Variants in PRIM2 observed in about 807,000 individuals in gnomAD.
PRIM2 encodes the protein DNA primase subunit 2.
In PRIM2, 39 loss-of-function variants were observed where a neutral mutation model predicts 67.3. That is an observed-to-expected ratio of 0.58 (90% CI 0.45 to 0.76). The LOEUF (loss-of-function observed/expected upper bound fraction) is 0.76, where lower values mean the gene tolerates loss of function less well. Among genes scored for constraint, PRIM2 ranks in the 30% least tolerant of loss-of-function variants. The pLI, the probability that PRIM2 is intolerant of heterozygous loss-of-function variation, is 0.00. For synonymous variants in PRIM2, 143 were observed against 198.7 expected, an observed-to-expected ratio of 0.72 and a Z score of 2.36; for missense variants, 398 against 598.7, an observed-to-expected ratio of 0.66 and a Z score of 3.50.
intron 10 of PRIM2, among the ~76,000 whole-genome samples, chr6:57,599,758 G>C (rs1292184084): frequency 2.0e-5 from 3 of 152,218 alleles, no homozygotes; most frequent in African/African-American, 7.2e-5. Flanking sequence ...CATTAGGAAG[G>C]CTATCAACCC....
At chr6:57,369,121 T>C (rs1434782306) in intron 5 of PRIM2, among the ~76,000 whole-genome samples, 1 of 152,196 alleles carries the variant, frequency 6.6e-6, no homozygotes, top group African/African-American at 2.4e-5. Context: ...TCTCCCTCAG[T>C]GAGGGACTCA....
chr6:57,382,097 T>C lies in PRIM2; in HGVS notation c.622T>C (p.Tyr208His). 6.2e-7 allele frequency: 1 copy of C among 1,613,316 alleles called. No homozygotes were observed. The highest frequency in any genetic ancestry group is 8.5e-7 in the Non-Finnish European group (1 of 1,179,524). ...AGTCTATTTGGAAGATGGCTTTGCT[T>C]ACGTACCACTTAAGGACATTGTGGC... Reference protein sequence around the residue: ...RKVYLEDGFAYVPLKDIVAII... With the variant: ...RKVYLEDGFAHVPLKDIVAII... The change falls in exon 7 of 14, where the codon TAC (tyrosine) becomes CAC (histidine). Residue 208 changes from tyrosine to histidine, a missense_variant. This residue lies in a region of PRIM2 where 229 missense variants were observed against 383.6 expected (regional missense o/e 0.60). Transcript: ENST00000615550.
intron 4 of PRIM2, 22 bp from the exon 5 acceptor site, chr6:57,325,903 A>C: frequency 6.4e-7 from 1 of 1,563,022 alleles, no homozygotes; most frequent in Non-Finnish European, 8.7e-7. Flanking sequence ...GTTTGTACTC[A>C]TAATTTCTGT....
intron 7 of PRIM2, among the ~76,000 whole-genome samples, chr6:57,495,875 C>A (rs1554346342): frequency 6.6e-6 from 1 of 152,124 alleles, no homozygotes; most frequent in Non-Finnish European, 1.5e-5. Context: ...TCTCAAGTAG[C>A]TGGGATTACA....
chr6:57,416,051 T>G (rs1424790535), intron 7 of PRIM2, among the ~76,000 whole-genome samples: 1 of 152,208 alleles, frequency 6.6e-6, no homozygotes, highest in Non-Finnish European at 1.5e-5. Flanking sequence ...GGCATCTAGA[T>G]TGGTGAATCG....
chr6:57,223,531 A>T, the PRIM2 span, among the ~76,000 whole-genome samples: 1 of 152,246 alleles, frequency 6.6e-6, no homozygotes, highest in Non-Finnish European at 1.5e-5. Flanking sequence ...AGTATTTGTA[A>T]GAAATTTAAT....
At chr6:57,478,095 A>G (rs1481399512) in intron 7 of PRIM2, among the ~76,000 whole-genome samples, 3 of 152,212 alleles carry the variant, frequency 2.0e-5, no homozygotes, top group African/African-American at 7.2e-5. Flanking sequence ...TTACAAATGA[A>G]GAAACTAAGG....
At chr6:57,548,262 G>C (rs1420938446) in intron 10 of PRIM2, among the ~76,000 whole-genome samples, 2 of 152,198 alleles carry the variant, frequency 1.3e-5, no homozygotes, top group Admixed American at 1.3e-4. Flanking sequence ...GCCAAAGTTA[G>C]AGCAGGAGTG....
At chr6:57,269,836 A>G in the PRIM2 span, among the ~76,000 whole-genome samples, 23,277 of 151,670 alleles carry the variant, frequency 0.15, 2,106 homozygotes, top group African/African-American at 0.24. Flanking sequence ...TCCAGTTTCA[A>G]CTTTCTACAT....
chr6:57,279,658 C>G, the PRIM2 span, among the ~76,000 whole-genome samples: 1 of 152,102 alleles, frequency 6.6e-6, no homozygotes, highest in African/African-American at 2.4e-5. Flanking sequence ...TGAAATTAGT[C>G]TCATTAAAAA....
chr6:57,324,208 T>C lies in PRIM2; in HGVS notation c.266T>C (p.Leu89Ser). The C allele has an allele frequency of 6.3e-7, 1 of 1,586,336 alleles. No individual in the cohort carries two copies. The highest frequency in any genetic ancestry group is 8.6e-7 in the Non-Finnish European group (1 of 1,158,266). ...RKLKFSYREN[L>S]EDEYEPRRRD... Reference sequence around the variant, plus strand: ...TGTGTCATTATTTTTAAGGAAAACTTAGAAGATGAATATGAACCACGAAGA... The same window carrying C: ...TGTGTCATTATTTTTAAGGAAAACTCAGAAGATGAATATGAACCACGAAGA... Residue 89 changes from leucine to serine, a missense_variant, in exon 4 of 14, where the codon TTA becomes TCA. Physicochemically the swap from Leu to Ser is moderately radical, Grantham distance 145. Coordinates refer to ENST00000615550, the MANE Select transcript of PRIM2 (RefSeq NM_000947.5).
intron 7 of PRIM2, among the ~76,000 whole-genome samples, chr6:57,432,225 G>T (rs1453759461): frequency 6.6e-6 from 1 of 152,086 alleles, no homozygotes; most frequent in Non-Finnish European, 1.5e-5. Flanking sequence ...CATTTTTGGG[G>T]GGGGTTGGGT....
intron 7 of PRIM2, among the ~76,000 whole-genome samples, chr6:57,432,221 T>TGG (rs561001849): frequency 6.6e-6 from 1 of 152,112 alleles, no homozygotes; most frequent in Non-Finnish European, 1.5e-5. Flanking sequence ...TTTCCATTTT[T>TGG]GGGGGGGGTT....
chr6:57,259,854 G>A, the PRIM2 span, among the ~76,000 whole-genome samples: 3 of 152,162 alleles, frequency 2.0e-5, no homozygotes, highest in Admixed American at 1.3e-4. Context: ...GCCCAAGGGT[G>A]CCCCTATGGT....
At chr6:57,294,395 C>T in the PRIM2 span, among the ~76,000 whole-genome samples, 337 of 152,138 alleles carry the variant, frequency 2.2e-3, no homozygotes, top group Admixed American at 6.0e-3. Flanking sequence ...GCAGGAGAAT[C>T]GCTTGAACCC....
chr6:57,369,507 G>A (rs1769474361), intron 5 of PRIM2, among the ~76,000 whole-genome samples: 1 of 152,190 alleles, frequency 6.6e-6, no homozygotes, highest in Non-Finnish European at 1.5e-5. Flanking sequence ...TAGGGATTGA[G>A]ATGTGGGGAA....
chr6:57,468,386 C>T (rs2127400653), intron 7 of PRIM2, among the ~76,000 whole-genome samples: 1 of 152,164 alleles, frequency 6.6e-6, no homozygotes, highest in South Asian at 2.1e-4. Context: ...ATTGAGATAA[C>T]TGTGTGGTTT....
chr6:57,467,244 G>T (rs1334138094), intron 7 of PRIM2, among the ~76,000 whole-genome samples: 1 of 151,556 alleles, frequency 6.6e-6, no homozygotes, highest in Admixed American at 6.6e-5. Context: ...TTCTTCTAGG[G>T]TTTTATGGTT....
the PRIM2 span, among the ~76,000 whole-genome samples, chr6:57,304,614 G>C: frequency 6.6e-6 from 1 of 152,192 alleles, no homozygotes; most frequent in South Asian, 2.1e-4. Context: ...TGTGGGTTAG[G>C]TGAGGAGGAG....
Sources: allele counts gnomAD v4.1 joint callset (sites outside exome capture counted in the v4.1 genomes callset), GRCh38; gene constraint gnomAD v4.1.1; regional missense constraint gnomAD v4.1.1; transcripts MANE v1.5; gene names NCBI Gene and HGNC (gene_info 2026-07-23, HGNC 2026-07-21).